Variants in PIK3R4 observed in about 807,000 individuals in gnomAD.
PIK3R4 encodes the protein phosphoinositide 3-kinase regulatory subunit 4.
PIK3R4 carries 46 observed loss-of-function variants against 136.5 expected under a neutral mutation model. That is an observed-to-expected ratio of 0.34 (90% CI 0.27 to 0.43). The LOEUF is 0.43. Among genes scored for constraint, PIK3R4 ranks in the 20% least tolerant of loss-of-function variants. The pLI, the probability that PIK3R4 is intolerant of heterozygous loss-of-function variation, is 1.00. For missense variants in PIK3R4, 1,331 were observed against 1,649.5 expected (o/e 0.81, Z 3.35); for synonymous variants, 557 against 566.7 (o/e 0.98, Z 0.24).
intron 14 of PIK3R4, among the ~76,000 whole-genome samples, chr3:130,686,815 A>G (rs1042639537): frequency 1.3e-5 from 2 of 152,204 alleles, no homozygotes; most frequent in Admixed American, 1.3e-4. Flanking sequence ...AATTTCTTCC[A>G]ATCTGTGACA....
chr3:130,731,402 G>C (rs1428756174), intron 4 of PIK3R4, among the ~76,000 whole-genome samples: 1 of 48,788 alleles, frequency 2.0e-5, no homozygotes, highest in African/African-American at 3.8e-4. Flanking sequence ...CCTTCATCCT[G>C]GGTCCCACTC....
Position 130,705,591 on chromosome 3 carries a change from C to T in PIK3R4, c.2902G>A (p.Ala968Thr). The T allele has an allele frequency of 6.2e-7, 1 of 1,613,654 alleles. No individual in the cohort carries two copies. The highest frequency in any genetic ancestry group is 8.5e-7 in the Non-Finnish European group (1 of 1,179,578). The change falls in exon 12 of 20, where the codon GCT becomes ACT. Residue 968 changes from alanine to threonine, a missense_variant. Ala to Thr is a moderately conservative substitution (Grantham distance 58). Around this residue, in one of 2 missense-constraint regions of PIK3R4, gnomAD observed 1,180 missense variants for 1,407.0 expected, o/e 0.84. Coordinates refer to ENST00000356763, the MANE Select transcript of PIK3R4 (RefSeq NM_014602.3). ...ERIAKQMMEN[A>T]EWESKPPPPG... ...GGTGGTGGTTTACTCTCCCATTCAG[C>T]ATTTTCCATCATCTGCTTAGCTATT... is the stretch of plus-strand genomic sequence containing the variant.
At chr3:130,707,205 T>A in intron 10 of PIK3R4, 70 bp from the exon 11 acceptor site, 1 of 1,085,774 alleles carries the variant, frequency 9.2e-7, no homozygotes, top group Non-Finnish European at 1.3e-6. Flanking sequence ...TTTATTGCCT[T>A]TGGAGGGGAC....
chr3:130,717,079 C>T (rs2066668924), intron 8 of PIK3R4, among the ~76,000 whole-genome samples: 1 of 152,086 alleles, frequency 6.6e-6, no homozygotes, highest in African/African-American at 2.4e-5. Context: ...CTTTAATTAT[C>T]CAAAAGGAAT....
intron 9 of PIK3R4, among the ~76,000 whole-genome samples, chr3:130,711,697 A>ACAAAGCTTAAAAG (rs2066633493): frequency 6.6e-6 from 1 of 152,208 alleles, no homozygotes; most frequent in Non-Finnish European, 1.5e-5. Flanking sequence ...ACCTATCTTA[A>ACAAAGCTTAAAAG]CAAAGCTTAA....
intron 2 of PIK3R4, among the ~76,000 whole-genome samples, chr3:130,741,818 A>C (rs2066825462): frequency 6.6e-6 from 1 of 152,204 alleles, no homozygotes; most frequent in South Asian, 2.1e-4. Flanking sequence ...CTTGCACATA[A>C]TATGCTCAAA....
Position 130,746,348 on chromosome 3 carries a change from CA to C in PIK3R4, c.-78del, listed in dbSNP as rs1400197552. The C allele has an allele frequency of 6.6e-6, 1 of 152,242 alleles. No homozygotes were observed. The highest frequency in any genetic ancestry group is 1.5e-5 in the Non-Finnish European group (1 of 68,058). The allele number at this position is 152,242 out of a possible 1,614,324, so 9.4% of individuals were successfully genotyped here. A position where few individuals can be genotyped will look rare whatever the true frequency, so the allele number is the denominator to read the frequency against. Reference sequence around the variant, plus strand: ...GCCTCGGGAAAGTGTCAAAATCGTTCAGAGGCTCACAACGAGGTCATAGTAG... The same window carrying C: ...GCCTCGGGAAAGTGTCAAAATCGTTCGAGGCTCACAACGAGGTCATAGTAG... On this transcript the variant is annotated 5_prime_UTR_variant, in exon 1 of 20. Coordinates refer to ENST00000356763, the MANE Select transcript of PIK3R4 (RefSeq NM_014602.3).
rs768180675 is a variant in PIK3R4 at position 130,733,679 on chromosome 3, G to A, written c.1319C>T (p.Thr440Met). The stretch of plus-strand genomic sequence containing the variant: ...GACGAGAGCAAGAACTTTGGTCAAC[G>A]TCCTCAAGGCTTCAGCCCTCACCCT... The part of the protein sequence containing the change: ...VPRVRAEALR[T>M]LTKVLALVKE... Residue 440 changes from threonine (T) to methionine (M), a missense_variant, in exon 4 of 20, where the codon ACG becomes ATG. This residue lies in a region of PIK3R4 where 1,180 missense variants were observed against 1,407.0 expected (regional missense o/e 0.84). Coordinates refer to ENST00000356763, the MANE Select transcript of PIK3R4 (RefSeq NM_014602.3). The A allele has an allele frequency of 5.8e-5, 94 of 1,613,918 alleles. No individual in the cohort carries two copies. The highest frequency in any genetic ancestry group is 4.0e-5 in the African/African-American group (3 of 74,920).
intron 12 of PIK3R4, among the ~76,000 whole-genome samples, chr3:130,704,605 CA>C (rs1044502560): frequency 6.6e-6 from 1 of 151,976 alleles, no homozygotes; most frequent in African/African-American, 2.4e-5. Flanking sequence ...GACAGAAACT[CA>C]AAAAATATTT....
intron 7 of PIK3R4, among the ~76,000 whole-genome samples, chr3:130,723,062 C>CAAAAAAAAA (rs61129038): frequency 1.0e-4 from 2 of 19,500 alleles, no homozygotes; most frequent in African/African-American, 1.7e-4. Flanking sequence ...GAGACTGTCG[C>CAAAAAAAAA]AAAAAAAAAA....
chr3:130,692,058 A>G (rs1418088045), intron 13 of PIK3R4, among the ~76,000 whole-genome samples: 2 of 151,408 alleles, frequency 1.3e-5, no homozygotes, highest in East Asian at 1.9e-4. Context: ...TGTATTTTTA[A>G]TAGAGGCAGG....
chr3:130,695,866 T>G (rs1292943536), intron 13 of PIK3R4, among the ~76,000 whole-genome samples: 2 of 152,182 alleles, frequency 1.3e-5, no homozygotes, highest in Non-Finnish European at 2.9e-5. Flanking sequence ...AATGGAGAAC[T>G]ATTGTAATTC....
chr3:130,720,072 G>GA (rs1376973440), intron 7 of PIK3R4, among the ~76,000 whole-genome samples: 1 of 152,128 alleles, frequency 6.6e-6, no homozygotes, highest in Non-Finnish European at 1.5e-5. Flanking sequence ...GAGATTCTGT[G>GA]GTTGACTGTT....
rs138723334 is a variant in PIK3R4, at chr3:130,722,857, C to T, written c.1981+557G>A. On this transcript the variant is annotated intron_variant, in intron 7 of 19. Transcript: ENST00000356763. ...AGATCATGAGGTCAGGAGTTCAAGA[C>T]CAGCCTGGCCAACATGGTAAAACCC... 6.7e-3 allele frequency among the ~76,000 whole-genome samples: 1,003 copies of T among 150,122 alleles called. 12 individuals are homozygous for T. The highest frequency in any genetic ancestry group is 0.024 in the African/African-American group (959 of 40,788).
chr3:130,744,680 G>A lies in PIK3R4; in HGVS notation c.539C>T (p.Pro180Leu). The A allele has an allele frequency of 1.9e-6, 3 of 1,614,160 alleles. No homozygotes were observed. Among genetic ancestry groups the A allele is most frequent in the East Asian group, 2.2e-5 (1 of 44,886 alleles). ...GTCAAAGAAATAATTGAAATCTGCC[G>A]GGTTGTCTTCTGGAAGATAAGTGGG... Reference protein sequence around the residue: ...FKPTYLPEDNPADFNYFFDTS... With the variant: ...FKPTYLPEDNLADFNYFFDTS... Residue 180 changes from proline to leucine, a missense_variant, in exon 2 of 20, where the codon CCG (proline) becomes CTG (leucine). Physicochemically the swap from Pro to Leu is moderately conservative, Grantham distance 98. Coordinates refer to ENST00000356763, the MANE Select transcript of PIK3R4 (RefSeq NM_014602.3).
chr3:130,743,008 G>T (rs1324675420), intron 2 of PIK3R4, among the ~76,000 whole-genome samples: 1 of 152,140 alleles, frequency 6.6e-6, no homozygotes, highest in East Asian at 1.9e-4. Flanking sequence ...ATCCAAAAAA[G>T]CTTCAGAATC....
At chr3:130,731,761 A>C (rs970885249) in intron 4 of PIK3R4, among the ~76,000 whole-genome samples, 1 of 152,246 alleles carries the variant, frequency 6.6e-6, no homozygotes, top group Non-Finnish European at 1.5e-5. Flanking sequence ...GTTGATTTTA[A>C]ACTTTTATAA....
In PIK3R4 at chr3:130,704,415, T is replaced by C. The variant is rs141776524; in HGVS notation, c.2933-527A>G. Among the ~76,000 whole-genome samples the C allele has an allele frequency of 4.0e-3, 611 of 152,318 alleles. 4 individuals carry two copies. Among genetic ancestry groups the C allele is most frequent in the Middle Eastern group, 0.01 (3 of 294 alleles). On this transcript the variant is annotated intron_variant, in intron 12 of 19. Transcript: ENST00000356763. ...ATATTTATTTTGATAAGAAAATTTA[T>C]GCAACTAATGATGCCACTTGCCACT...
intron 9 of PIK3R4, among the ~76,000 whole-genome samples, chr3:130,709,416 T>C (rs544483369): frequency 2.0e-5 from 3 of 152,142 alleles, no homozygotes; most frequent in Non-Finnish European, 4.4e-5. Context: ...CACTAGAGTT[T>C]AGAGTCATAT....
Sources: allele counts gnomAD v4.1 joint callset (sites outside exome capture counted in the v4.1 genomes callset), GRCh38; gene constraint gnomAD v4.1.1; regional missense constraint gnomAD v4.1.1; transcripts MANE v1.5; gene names NCBI Gene and HGNC (gene_info 2026-07-23, HGNC 2026-07-21).